ATRNL1: variants seen among roughly 807,000 people sequenced by gnomAD.
ATRNL1 encodes the protein attractin like 1.
In ATRNL1, 95 loss-of-function variants were observed where a neutral mutation model predicts 182.7. That is an observed-to-expected ratio of 0.52 (90% confidence interval 0.44 to 0.62). The LOEUF (loss-of-function observed/expected upper bound fraction) is 0.62, where lower values mean the gene tolerates loss of function less well. Ranked by LOEUF, ATRNL1 falls within the 20% of genes least tolerant of loss-of-function variation. The pLI is 0.00. For synonymous variants in ATRNL1, 576 were observed against 568.3 expected, an observed-to-expected ratio of 1.01 and a Z score of -0.19; for missense variants, 1,471 against 1,679.5, an observed-to-expected ratio of 0.88 and a Z score of 2.17.
intron 25 of ATRNL1, among the ~76,000 whole-genome samples, chr10:115,540,613 A>T (rs111462282): frequency 0.028 from 4,193 of 152,026 alleles, 224 homozygotes; most frequent in African/African-American, 0.097. Context: ...TACAAAAATT[A>T]GTCAGGAGTG....
intron 27 of ATRNL1, among the ~76,000 whole-genome samples, chr10:115,744,688 T>C (rs931449726): frequency 6.6e-6 from 1 of 151,832 alleles, no homozygotes; most frequent in Admixed American, 6.6e-5. Flanking sequence ...AGCCTCCCAC[T>C]GTATTGAATT....
intron 24 of ATRNL1, among the ~76,000 whole-genome samples, chr10:115,488,562 G>A (rs766759596): frequency 6.6e-6 from 1 of 152,222 alleles, no homozygotes; most frequent in African/African-American, 2.4e-5. Flanking sequence ...GGGATCGGTG[G>A]TGATATCCCC....
intron 26 of ATRNL1, among the ~76,000 whole-genome samples, chr10:115,712,594 G>GA (rs1181631279): frequency 1.4e-4 from 22 of 152,022 alleles, no homozygotes; most frequent in African/African-American, 4.6e-4. Flanking sequence ...TGGCTGGGCG[G>GA]AGTGGCTCAT....
chr10:115,452,745 C>T (rs1554967915), intron 21 of ATRNL1, among the ~76,000 whole-genome samples: 1 of 152,048 alleles, frequency 6.6e-6, no homozygotes, highest in Non-Finnish European at 1.5e-5. Context: ...ATATACAATA[C>T]AGTATTGTTA....
At chr10:115,887,415 A>G (rs1430501733) in intron 28 of ATRNL1, among the ~76,000 whole-genome samples, 1 of 152,220 alleles carries the variant, frequency 6.6e-6, no homozygotes, top group Non-Finnish European at 1.5e-5. Context: ...AGTGAGGGGC[A>G]GCTTCCTTCC....
intron 26 of ATRNL1, among the ~76,000 whole-genome samples, chr10:115,665,713 C>T (rs6585346): frequency 0.56 from 85,510 of 151,970 alleles, 24,776 homozygotes; most frequent in East Asian, 0.96. Context: ...CCTTGAGTCA[C>T]AGTTTGACCA....
chr10:115,378,175 T>G (rs1857784541), intron 19 of ATRNL1, among the ~76,000 whole-genome samples: 1 of 152,186 alleles, frequency 6.6e-6, no homozygotes, highest in Non-Finnish European at 1.5e-5. Flanking sequence ...TAGCACGTTC[T>G]TTGGTGGGTA....
chr10:115,170,837 G>C (rs1847258504), intron 7 of ATRNL1, among the ~76,000 whole-genome samples, 200 bp from the exon 8 acceptor site: 1 of 151,832 alleles, frequency 6.6e-6, no homozygotes. Context: ...AAGCTTTGCT[G>C]TTTCCCCCCC....
intron 5 of ATRNL1, among the ~76,000 whole-genome samples, chr10:115,145,868 G>GA (rs1183773599): frequency 1.3e-5 from 2 of 152,018 alleles, no homozygotes; most frequent in African/African-American, 2.4e-5. Flanking sequence ...TTGCTGGGAT[G>GA]AAAAAATCCA....
chr10:115,623,373 T>C (rs1006999462), intron 26 of ATRNL1, among the ~76,000 whole-genome samples: 17 of 152,156 alleles, frequency 1.1e-4, no homozygotes, highest in African/African-American at 4.1e-4. Context: ...AATTTTAAAA[T>C]GTAAGCACTA....
chr10:115,146,616 C>A (rs1453194189), intron 5 of ATRNL1, among the ~76,000 whole-genome samples: 2 of 152,184 alleles, frequency 1.3e-5, no homozygotes, highest in African/African-American at 2.4e-5. Context: ...TGTCCTCCCC[C>A]ACTACCCACA....
At chr10:115,904,095 G>A (rs987300935) in intron 28 of ATRNL1, among the ~76,000 whole-genome samples, 2 of 152,098 alleles carry the variant, frequency 1.3e-5, no homozygotes, top group Non-Finnish European at 2.9e-5. Flanking sequence ...AACAATGATT[G>A]GGTAGCATGG....
At chr10:115,599,209 T>A (rs1365660309) in intron 26 of ATRNL1, among the ~76,000 whole-genome samples, 1 of 152,236 alleles carries the variant, frequency 6.6e-6, no homozygotes, top group Non-Finnish European at 1.5e-5. Flanking sequence ...TTTACCCTCC[T>A]ATTTTATCAT....
chr10:115,093,870 C>T lies in ATRNL1; in HGVS notation c.120C>T (p.Asn40=), dbSNP rs781924619. Residue 40 remains asparagine, a synonymous_variant, in exon 1 of 29, where the codon AAC becomes AAT. Coordinates refer to ENST00000355044, the MANE Select transcript of ATRNL1 (RefSeq NM_207303.4). The surrounding 1 kb of genome is among the most constrained non-coding windows in gnomAD (Gnocchi z 6.1). ...CCTCCTCCTGGCTGCTGGACGGGAA[C>T]AGCTGGCTGCTGTGCTATGGCTTCC... ...GGASSWLLDG[N]SWLLCYGFLY... The T allele has an allele frequency of 1.3e-6, 2 of 1,578,740 alleles. No individual in the cohort carries two copies. Among genetic ancestry groups the T allele is most frequent in the South Asian group, 2.3e-5 (2 of 86,510 alleles).
chr10:115,580,666 T>TA (rs1386936543), intron 26 of ATRNL1, among the ~76,000 whole-genome samples: 1 of 146,832 alleles, frequency 6.8e-6, no homozygotes, highest in Non-Finnish European at 1.5e-5. Flanking sequence ...ATTATTTCTT[T>TA]AAATACTCTT....
intron 14 of ATRNL1, among the ~76,000 whole-genome samples, chr10:115,284,822 A>G (rs533298282): frequency 2.0e-5 from 3 of 152,192 alleles, no homozygotes; most frequent in African/African-American, 7.2e-5. Flanking sequence ...TAAAACAATA[A>G]AAATAAAATA....
At position 115,621,276 on chromosome 10, in the gene ATRNL1, T is replaced by TATATATATAGAGAGAG. The variant is rs1268020830; in HGVS notation, c.3795+71741_3795+71742insTATATATAGAGAGAGA. Among the ~76,000 whole-genome samples, 102 of 47,526 alleles carry TATATATATAGAGAGAG rather than the reference T, an allele frequency of 2.1e-3. 1 individual carries two copies. The highest frequency in any genetic ancestry group is 3.0e-3 in the Non-Finnish European group (72 of 23,868). 31.2% of individuals were successfully genotyped at this position (47,526 alleles called of 152,430 possible). ...CTGAATATATATATATATATATATA[T>TATATATATAGAGAGAG]AGAGAGAGAGAGAGAGAGAGAGAGA... On this transcript the variant is annotated intron_variant, in intron 26 of 28. Coordinates refer to ENST00000355044, the MANE Select transcript of ATRNL1 (RefSeq NM_207303.4).
At chr10:115,477,106 A>T (rs1227246384) in intron 24 of ATRNL1, among the ~76,000 whole-genome samples, 1 of 151,558 alleles carries the variant, frequency 6.6e-6, no homozygotes, top group Non-Finnish European at 1.5e-5. Context: ...TAGATAGTTT[A>T]TGAGTACAAT....
At chr10:115,180,035 G>A (rs1554887596) in intron 8 of ATRNL1, among the ~76,000 whole-genome samples, 2 of 151,140 alleles carry the variant, frequency 1.3e-5, no homozygotes, top group Admixed American at 6.6e-5. Flanking sequence ...CTTTTTTTTG[G>A]TTATTATGCT....
Sources: allele counts gnomAD v4.1 joint callset (sites outside exome capture counted in the v4.1 genomes callset), GRCh38; gene constraint gnomAD v4.1.1; non-coding constraint Gnocchi (gnomAD v3.1); transcripts MANE v1.5; gene names NCBI Gene and HGNC (gene_info 2026-07-23, HGNC 2026-07-21).